Variants in MIER2 observed in about 807,000 individuals in gnomAD.
MIER2 encodes MIER family member 2, also known as mesoderm induction early response protein 2.
A neutral mutation model predicts 67.6 loss-of-function variants in MIER2; 30 were observed. The ratio of observed to expected loss-of-function variants is 0.44; its 90% CI spans 0.33 to 0.60. The LOEUF (loss-of-function observed/expected upper bound fraction) is 0.60. MIER2 is among the 20% of genes least tolerant of loss of function. The pLI is 0.02. For synonymous variants in MIER2, 372 were observed against 312.6 expected (o/e 1.19, Z -2.00); for missense variants, 702 against 745.1 (o/e 0.94, Z 0.67).
chr19:316,085 T>C (rs573252424), intron 7 of MIER2, among the ~76,000 whole-genome samples: 3 of 152,306 alleles, frequency 2.0e-5, no homozygotes, highest in South Asian at 4.1e-4. Context: ...TGGAAAAACA[T>C]GCCATGAAAA....
chr19:337,984 C>T (rs1296498592), intron 1 of MIER2, among the ~76,000 whole-genome samples: 37 of 151,302 alleles, frequency 2.4e-4, no homozygotes, highest in Admixed American at 2.0e-3. Context: ...TCATCCTGGC[C>T]AACAAGGTGA....
intron 7 of MIER2, among the ~76,000 whole-genome samples, chr19:316,431 T>C (rs1018820415): frequency 2.6e-5 from 4 of 151,998 alleles, no homozygotes; most frequent in African/African-American, 9.7e-5. Context: ...TAGCTGGGAC[T>C]ACAGGTGCCC....
At chr19:317,562 A>ATAAATAAG (rs1323170398) in intron 7 of MIER2, among the ~76,000 whole-genome samples, 1 of 149,410 alleles carries the variant, frequency 6.7e-6, no homozygotes, top group Non-Finnish European at 1.5e-5. Context: ...AAATAAATAA[A>ATAAATAAG]TAAAATAAAA....
At chr19:315,675 G>A (rs1971207298) in intron 7 of MIER2, among the ~76,000 whole-genome samples, 1 of 152,224 alleles carries the variant, frequency 6.6e-6, no homozygotes, top group Non-Finnish European at 1.5e-5. Flanking sequence ...AAACCAAAGT[G>A]TAAAAGGAAA....
chr19:318,935 T>C (rs960651724), intron 7 of MIER2, among the ~76,000 whole-genome samples: 1 of 151,420 alleles, frequency 6.6e-6, no homozygotes, highest in African/African-American at 2.4e-5. Context: ...TGGGCGCCTA[T>C]AGTCCCAGCT....
chr19:313,415 G>A (rs1302589399), intron 8 of MIER2, 77 bp downstream of exon 8: 4 of 1,559,316 alleles, frequency 2.6e-6, no homozygotes, highest in Non-Finnish European at 3.5e-6. Flanking sequence ...CCTGGCCCCT[G>A]GAGGCACTGG....
Position 327,955 on chromosome 19 carries a change from A to C in MIER2, c.278T>G (p.Leu93Arg), listed in dbSNP as rs763042046. The change falls in exon 4 of 14, where the codon CTC becomes CGC. Residue 93 changes from leucine (L) to arginine (R), a missense_variant. Leu to Arg is a moderately radical substitution (Grantham distance 102). Coordinates refer to ENST00000264819, the MANE Select transcript of MIER2 (RefSeq NM_017550.3). ...NDMPFDELLA[L>R]YGYEASDPIS... ...GGGGTCTGACGCCTCGTAGCCATAG[A>C]GCGCAAGCAGCTCATCAAAGGGCAT... The C allele has an allele frequency of 6.2e-7, 1 of 1,613,050 alleles. No individual in the cohort carries two copies. The highest frequency in any genetic ancestry group is 1.1e-5 in the South Asian group (1 of 91,036).
chr19:327,007 G>A (rs561201089), intron 5 of MIER2, 126 bp downstream of exon 5: 35 of 1,353,284 alleles, frequency 2.6e-5, no homozygotes, highest in South Asian at 6.1e-5. Flanking sequence ...GACGCTTCCC[G>A]CCAGGCAGAC....
In MIER2 at chr19:336,179, A is replaced by C; in HGVS notation, c.10-6T>G. 6.2e-7 allele frequency: 1 copy of C among 1,611,958 alleles called. No individual in the cohort carries two copies. Among genetic ancestry groups the C allele is most frequent in the Non-Finnish European group, 8.5e-7 (1 of 1,178,764 alleles). On this transcript the variant is annotated splice_region_variant and splice_polypyrimidine_tract_variant and intron_variant, in intron 1 of 13. Transcript: ENST00000264819. ...TGCCTCCCCAGCGAGGAGGCCTGCG[A>C]AGGAAGAGAGGCAGGGTTAGCTCGG...
intron 10 of MIER2, 102 bp from the exon 11 acceptor site, chr19:309,027 G>C (rs1475664529): frequency 1.3e-6 from 2 of 1,486,100 alleles, no homozygotes; most frequent in Non-Finnish European, 1.8e-6. Context: ...AGCACAGAAG[G>C]AGCACAGCAC....
chr19:312,737 C>G (rs1363748278), intron 8 of MIER2, among the ~76,000 whole-genome samples: 5 of 526 alleles, frequency 9.5e-3, no homozygotes, highest in South Asian at 0.5. Flanking sequence ...TGGGCGATGT[C>G]AGGGCCACCT....
intron 3 of MIER2, among the ~76,000 whole-genome samples, chr19:331,592 C>A (rs933521349): frequency 9.9e-5 from 15 of 152,030 alleles, no homozygotes; most frequent in African/African-American, 3.6e-4. Context: ...TCCCTTGAGC[C>A]CAGGAGTTCG....
chr19:337,870 C>CCAAAAAAAAA (rs1161369821), intron 1 of MIER2, among the ~76,000 whole-genome samples: 3 of 37,152 alleles, frequency 8.1e-5, no homozygotes, highest in African/African-American at 3.4e-4. Context: ...CTCCATCTCA[C>CCAAAAAAAAA]AAAAAAAAAA....
chr19:325,464 T>C (rs1271294378), intron 7 of MIER2, among the ~76,000 whole-genome samples, 171 bp downstream of exon 7: 1 of 151,984 alleles, frequency 6.6e-6, no homozygotes, highest in African/African-American at 2.4e-5. Flanking sequence ...CAGGCAGCAA[T>C]AGGCCCACTG....
In MIER2 at chr19:326,596, G is replaced by C; in HGVS notation, c.496C>G (p.Arg166Gly). The change falls in exon 6 of 14, where the codon CGT becomes GGT. Residue 166 changes from arginine to glycine, a missense_variant and splice_region_variant. By Grantham distance (125) the Arg-to-Gly change is moderately radical. Coordinates refer to ENST00000264819, the MANE Select transcript of MIER2 (RefSeq NM_017550.3). ...TCTCTGTCTTCATCAGCCAGGAAACGAGCTTTGGGAAAACAGAGGCAGGTC... is the reference window on the plus strand; with the variant it reads ...TCTCTGTCTTCATCAGCCAGGAAACCAGCTTTGGGAAAACAGAGGCAGGTC... ...SDLFPNRSGS[R>G]FLADEDREPG... is the part of the protein sequence containing the mutation. The C allele has an allele frequency of 6.2e-7, 1 of 1,613,970 alleles. No individual in the cohort carries two copies. The highest frequency in any genetic ancestry group is 2.2e-5 in the East Asian group (1 of 44,874).
At chr19:341,425 G>A (rs1183217669) in intron 1 of MIER2, among the ~76,000 whole-genome samples, 8 of 152,174 alleles carry the variant, frequency 5.3e-5, no homozygotes, top group African/African-American at 1.9e-4. Context: ...AGGCAGAGGG[G>A]GGCAAAGAGG....
At chr19:331,331 C>G (rs550511501) in intron 3 of MIER2, among the ~76,000 whole-genome samples, 4 of 148,216 alleles carry the variant, frequency 2.7e-5, no homozygotes, top group Admixed American at 7.0e-5. Context: ...GAACTCCAGT[C>G]TGGGCAACAG....
chr19:306,882 G>A (rs1278312178), intron 13 of MIER2, among the ~76,000 whole-genome samples, 171 bp from the exon 14 acceptor site: 1 of 152,214 alleles, frequency 6.6e-6, no homozygotes, highest in Non-Finnish European at 1.5e-5. Context: ...GCAGGGGTGG[G>A]ACAGCCTGGC....
chr19:336,252 A>G (rs1415311946), intron 1 of MIER2, 79 bp from the exon 2 acceptor site: 2 of 1,220,794 alleles, frequency 1.6e-6, no homozygotes, highest in Non-Finnish European at 2.3e-6. Flanking sequence ...AGCCAAGAGC[A>G]AGCGCTGGTC....
Sources: gnomAD v4.1 joint callset for allele counts (sites outside exome capture counted in the v4.1 genomes callset) on GRCh38, gnomAD v4.1.1 for gene constraint, MANE v1.5 for transcripts, NCBI Gene and HGNC (gene_info 2026-07-23, HGNC 2026-07-21) for gene names.